Variants in GRM5 observed in about 807,000 individuals in gnomAD.
GRM5 encodes metabotropic glutamate receptor 5.
GRM5 carries 19 observed loss-of-function variants against 83.1 expected under a neutral mutation model. The ratio of observed to expected loss-of-function variants is 0.23; its 90% CI spans 0.16 to 0.34. GRM5 has a LOEUF of 0.34. Among genes scored for constraint, GRM5 ranks in the 10% least tolerant of loss-of-function variants. The probability of loss-of-function intolerance (pLI) is 1.00; values close to 1 mark genes in which losing one functional copy is unlikely to be tolerated. For synonymous variants in GRM5, 675 were observed against 633.6 expected, an observed-to-expected ratio of 1.07 and a Z score of -0.98; for missense variants, 1,160 against 1,588.3, an observed-to-expected ratio of 0.73 and a Z score of 4.58.
intron 7 of GRM5, among the ~76,000 whole-genome samples, chr11:88,574,986 T>TTTTTC (rs1491153906): frequency 2.2e-5 from 2 of 92,494 alleles, no homozygotes; most frequent in African/African-American, 9.2e-5. Context: ...TTTTCTTTTC[T>TTTTTC]TTTTTTTTTT....
chr11:88,968,702 T>C (rs1939070595), intron 2 of GRM5, among the ~76,000 whole-genome samples: 1 of 151,950 alleles, frequency 6.6e-6, no homozygotes, highest in South Asian at 2.1e-4. Context: ...ACACAAAGTG[T>C]TCAAGATTTT....
chr11:88,909,334 G>A (rs533781599), intron 2 of GRM5, among the ~76,000 whole-genome samples: 6 of 151,940 alleles, frequency 3.9e-5, no homozygotes, highest in African/African-American at 7.2e-5. Flanking sequence ...ATACTTCCTC[G>A]CTCAAAGTGG....
chr11:88,909,771 T>C (rs1160904170), intron 2 of GRM5, among the ~76,000 whole-genome samples: 1 of 152,014 alleles, frequency 6.6e-6, no homozygotes, highest in Non-Finnish European at 1.5e-5. Flanking sequence ...TAATAACAAA[T>C]TCATTCTCAT....
At chr11:88,538,013 C>G (rs540555417) in intron 8 of GRM5, among the ~76,000 whole-genome samples, 111 of 150,958 alleles carry the variant, frequency 7.4e-4, no homozygotes, top group South Asian at 2.1e-3. Flanking sequence ...CTTAGTAATT[C>G]TAGGAATTTA....
chr11:88,821,015 A>G (rs1356219486), intron 3 of GRM5, among the ~76,000 whole-genome samples: 1 of 152,200 alleles, frequency 6.6e-6, no homozygotes, highest in African/African-American at 2.4e-5. Flanking sequence ...AAATATATAC[A>G]AATGGAGGGT....
chr11:88,931,314 A>G (rs1234313075), intron 2 of GRM5, among the ~76,000 whole-genome samples: 3 of 152,032 alleles, frequency 2.0e-5, no homozygotes, highest in Admixed American at 6.6e-5. Flanking sequence ...ATGCTACATA[A>G]TTGAGTAAAA....
At chr11:88,935,285 T>C (rs2135655099) in intron 2 of GRM5, among the ~76,000 whole-genome samples, 1 of 151,980 alleles carries the variant, frequency 6.6e-6, no homozygotes, top group Admixed American at 6.6e-5. Flanking sequence ...ATGTATAAGG[T>C]GACAAGAATG....
At chr11:88,904,425 A>G (rs1038311015) in intron 2 of GRM5, among the ~76,000 whole-genome samples, 1 of 152,222 alleles carries the variant, frequency 6.6e-6, no homozygotes, top group Non-Finnish European at 1.5e-5. Context: ...AATGGGTGAC[A>G]GCAAACCAAT....
intron 2 of GRM5, among the ~76,000 whole-genome samples, chr11:88,967,045 T>C (rs775409534): frequency 5.9e-5 from 9 of 152,016 alleles, no homozygotes; most frequent in Middle Eastern, 3.2e-3. Context: ...TCGGGCATAG[T>C]ACATCTAATA....
chr11:88,570,263 C>T (rs1942959488), intron 7 of GRM5, among the ~76,000 whole-genome samples: 1 of 151,886 alleles, frequency 6.6e-6, no homozygotes. Flanking sequence ...AATAATTGTG[C>T]ATTTAATATT....
At chr11:88,926,389 T>C (rs1590970032) in intron 2 of GRM5, among the ~76,000 whole-genome samples, 1 of 152,164 alleles carries the variant, frequency 6.6e-6, no homozygotes, top group Non-Finnish European at 1.5e-5. Context: ...AAATAAGTAC[T>C]TATTGCTTTA....
intron 2 of GRM5, among the ~76,000 whole-genome samples, chr11:88,973,907 T>A (rs1304459844): frequency 3.3e-5 from 5 of 152,298 alleles, no homozygotes; most frequent in African/African-American, 1.2e-4. Context: ...TTTAAGAATT[T>A]AAAAATTAGA....
At chr11:88,778,493 G>C (rs1444617800) in intron 3 of GRM5, among the ~76,000 whole-genome samples, 1 of 152,184 alleles carries the variant, frequency 6.6e-6, no homozygotes, top group African/African-American at 2.4e-5. Context: ...AGATCAACCA[G>C]GCACTTCAGT....
intron 2 of GRM5, among the ~76,000 whole-genome samples, chr11:88,926,935 A>G (rs1299216210): frequency 6.6e-6 from 1 of 152,192 alleles, no homozygotes; most frequent in Non-Finnish European, 1.5e-5. Flanking sequence ...TTATATTTCA[A>G]CTATTTAACT....
At chr11:88,800,362 T>C (rs912434918) in intron 3 of GRM5, among the ~76,000 whole-genome samples, 23 of 152,120 alleles carry the variant, frequency 1.5e-4, no homozygotes, top group African/African-American at 5.3e-4. Flanking sequence ...AGCAATTCCT[T>C]TTCTGACAAT....
At chr11:88,577,756 G>A (rs1398590918) in intron 7 of GRM5, among the ~76,000 whole-genome samples, 1 of 152,058 alleles carries the variant, frequency 6.6e-6, no homozygotes, top group Admixed American at 6.6e-5. Flanking sequence ...GAAATGTAAA[G>A]GAAACAGCCA....
chr11:88,682,462 T>C (rs1940519530), intron 3 of GRM5, among the ~76,000 whole-genome samples: 1 of 152,206 alleles, frequency 6.6e-6, no homozygotes, highest in African/African-American at 2.4e-5. Flanking sequence ...TTGTTGAATA[T>C]AACCATGTGT....
intron 3 of GRM5, among the ~76,000 whole-genome samples, chr11:88,664,259 A>G (rs1434970568): frequency 1.3e-5 from 2 of 151,944 alleles, no homozygotes; most frequent in African/African-American, 2.4e-5. Context: ...GCTAAATATT[A>G]TATATACAGT....
At chr11:88,827,139 G>C (rs1226466943) in intron 3 of GRM5, among the ~76,000 whole-genome samples, 5 of 152,146 alleles carry the variant, frequency 3.3e-5, no homozygotes, top group African/African-American at 4.8e-5. Context: ...CTGAACGCCA[G>C]TTATTTACAA....
Sources: gnomAD v4.1 joint callset for allele counts (sites outside exome capture counted in the v4.1 genomes callset) on GRCh38, gnomAD v4.1.1 for gene constraint, MANE v1.5 for transcripts, NCBI Gene and HGNC (gene_info 2026-07-23, HGNC 2026-07-21) for gene names.